Variants in COL6A2 observed in about 807,000 individuals in gnomAD.
COL6A2 encodes collagen alpha-2(VI) chain.
Under a neutral mutation model 124.9 loss-of-function variants are expected in COL6A2, and 90 were observed. The ratio of observed to expected loss-of-function variants is 0.72; its 90% CI spans 0.61 to 0.86. The LOEUF (loss-of-function observed/expected upper bound fraction) is 0.86. Among genes scored for constraint, COL6A2 ranks in the 40% least tolerant of loss-of-function variants. COL6A2 has a pLI of 0.00. For missense variants in COL6A2, 1,607 were observed against 1,502.5 expected, an observed-to-expected ratio of 1.07 and a Z score of -1.15; for synonymous variants, 793 against 618.2, an observed-to-expected ratio of 1.28 and a Z score of -4.19.
Position 46,126,194 on chromosome 21 carries a change from C to G in COL6A2, c.2379C>G (p.Val793=), listed in dbSNP as rs1192187806. The change falls in exon 26 of 28, where the codon GTC becomes GTG. Residue 793 remains valine, a synonymous_variant. Coordinates refer to ENST00000300527, the MANE Select transcript of COL6A2 (RefSeq NM_001849.4). The part of the protein sequence containing the change: ...VRNMTLFSDL[V]AEKFIDDMED... Reference sequence around the variant, plus strand: ...ACATGACGCTGTTCTCCGACCTGGTCGCTGAGAAGTTCATCGATGACATGG... The same window carrying G: ...ACATGACGCTGTTCTCCGACCTGGTGGCTGAGAAGTTCATCGATGACATGG... The G allele has an allele frequency of 6.2e-7, 1 of 1,604,008 alleles. No homozygotes were observed. Among genetic ancestry groups the G allele is most frequent in the Non-Finnish European group, 8.5e-7 (1 of 1,179,666 alleles).
chr21:46,117,501 G>A, intron 11 of COL6A2, 48 bp downstream of exon 11: 1 of 1,590,404 alleles, frequency 6.3e-7, no homozygotes, highest in Non-Finnish European at 8.6e-7. Context: ...AGGGGGTGTG[G>A]GTGCCTGACC....
chr21:46,130,698 CAT>C (rs1190026036), intron 27 of COL6A2, among the ~76,000 whole-genome samples: 3 of 152,312 alleles, frequency 2.0e-5, no homozygotes, highest in East Asian at 1.9e-4. Context: ...TGTCTGTCTC[CAT>C]ATGTTTGGTG....
At chr21:46,112,664 G>A in intron 3 of COL6A2, 87 bp downstream of exon 3, 2 of 1,594,632 alleles carry the variant, frequency 1.3e-6, no homozygotes, top group Non-Finnish European at 1.7e-6. Context: ...TTACCCCTCT[G>A]TGAGTGCGGA....
intron 27 of COL6A2, chr21:46,129,838 A>AC: frequency 9.3e-7 from 1 of 1,079,476 alleles, no homozygotes; most frequent in Admixed American, 4.8e-5. Context: ...GCATCAGGTC[A>AC]CCCTCACAGG....
intron 21 of COL6A2, among the ~76,000 whole-genome samples, chr21:46,124,372 T>A (rs1601245451): frequency 6.6e-6 from 1 of 152,062 alleles, no homozygotes; most frequent in Admixed American, 6.5e-5. Flanking sequence ...ACCCATGGAT[T>A]GGAATGAGCT....
In COL6A2 at chr21:46,112,823, A is replaced by G. The variant is rs779844371; in HGVS notation, c.734A>G (p.Glu245Gly). 2 of 1,613,570 alleles carry G rather than the reference A, an allele frequency of 1.2e-6. No individual in the cohort carries two copies. The highest frequency in any genetic ancestry group is 3.3e-5 in the Admixed American group (2 of 60,026). The change falls in exon 4 of 28, where the codon GAG becomes GGG. Residue 245 changes from glutamate (E) to glycine (G), a missense_variant and splice_region_variant. Physicochemically the swap from Glu to Gly is moderately conservative, Grantham distance 98. Around this residue, in one of 3 missense-constraint regions of COL6A2, gnomAD observed 342 missense variants for 381.5 expected, o/e 0.90. Coordinates refer to ENST00000300527, the MANE Select transcript of COL6A2 (RefSeq NM_001849.4). ...IKVMKHEAYG[E>G]CYKVSCLEIP... is the part of the protein sequence containing the mutation. ...CTGCAGAAACACGAAGCCTACGGAG[A>G]GGTGAGTGGCGCTTCCCTTCCTGCC...
In COL6A2 at chr21:46,132,386, G is replaced by A. The variant is rs201854898; in HGVS notation, c.2894G>A (p.Arg965His). 4.0e-5 allele frequency: 64 copies of A among 1,609,518 alleles called. No individual in the cohort carries two copies. The highest frequency in any genetic ancestry group is 1.2e-4 in the South Asian group (11 of 91,078). ...DSLHESAHSM[R>H]KQNVVPTVLA... is the part of the protein sequence containing the mutation. Reference sequence around the variant, plus strand: ...CTGCACGAGTCGGCGCACTCCATGCGCAAGCAGAACGTGGTACCCACCGTG... The same window carrying A: ...CTGCACGAGTCGGCGCACTCCATGCACAAGCAGAACGTGGTACCCACCGTG... Residue 965 changes from arginine to histidine, a missense_variant, in exon 28 of 28, where the codon CGC becomes CAC. Transcript: ENST00000300527.
chr21:46,107,120 C>T (rs928266756), intron 1 of COL6A2, among the ~76,000 whole-genome samples: 5 of 151,442 alleles, frequency 3.3e-5, no homozygotes, highest in African/African-American at 4.9e-5. Context: ...CAGTTGATTC[C>T]TTGGGTTTAT....
Position 46,126,222 on chromosome 21 carries a change from G to GA in COL6A2, c.2408dup (p.Asp803GlufsTer44). On this transcript the variant is annotated frameshift_variant, in exon 26 of 28. Coordinates refer to ENST00000300527, the MANE Select transcript of COL6A2 (RefSeq NM_001849.4). LOFTEE classifies it high-confidence loss of function. ...TGAGAAGTTCATCGATGACATGGAGGACGTCCTCTGCCCGGGTGAGCGTGT... is the reference window on the plus strand; with the variant it reads ...TGAGAAGTTCATCGATGACATGGAGGAACGTCCTCTGCCCGGGTGAGCGTGT... The GA allele has an allele frequency of 6.3e-7, 1 of 1,599,702 alleles. No homozygotes were observed. Among genetic ancestry groups the GA allele is most frequent in the Non-Finnish European group, 8.5e-7 (1 of 1,179,136 alleles).
At position 46,112,565 on chromosome 21, in the gene COL6A2, C is replaced by A; in HGVS notation, c.702C>A (p.Ile234=). 1 of 1,612,206 alleles carries A rather than the reference C, an allele frequency of 6.2e-7. No individual in the cohort carries two copies. ...TCGACCAGGACACCATCAACCGCAT[C>A]ATCAAGGTCATGGTGAGCCGCGGGC... ...TEIDQDTINR[I]IKVMKHEAYG... Residue 234 remains isoleucine, a synonymous_variant, in exon 3 of 28, where the codon ATC becomes ATA. Transcript: ENST00000300527.
intron 26 of COL6A2, 88 bp downstream of exon 26, chr21:46,126,325 A>T (rs2123665645): frequency 1.3e-6 from 2 of 1,540,874 alleles, no homozygotes; most frequent in South Asian, 2.2e-5. Context: ...CCCTCACCTG[A>T]GGGATGAATG....
intron 10 of COL6A2, 23 bp from the exon 11 acceptor site, chr21:46,117,377 C>A (rs533503149): frequency 4.0e-5 from 64 of 1,611,504 alleles, no homozygotes; most frequent in South Asian, 6.6e-5. Context: ...CCCTGAGACT[C>A]CTCCTGCCCC....
In COL6A2 at chr21:46,116,434, C is replaced by G; in HGVS notation, c.927+31C>G. The G allele has an allele frequency of 1.9e-6, 3 of 1,612,536 alleles. No individual in the cohort carries two copies. The highest frequency in any genetic ancestry group is 1.7e-6 in the Non-Finnish European group (2 of 1,179,900). ...GCTCTTGCCCTGACAGACCTCAGACCTGCGCCAGCCTCGGCCCAGACCCAC... is the reference window on the plus strand; with the variant it reads ...GCTCTTGCCCTGACAGACCTCAGACGTGCGCCAGCCTCGGCCCAGACCCAC... On this transcript the variant is annotated intron_variant, in intron 8 of 27. Transcript: ENST00000300527. The surrounding 1 kb of genome is among the most constrained non-coding windows in gnomAD (Gnocchi z 4.6).
chr21:46,132,351 C>T lies in COL6A2; in HGVS notation c.2859C>T (p.Gly953=). Residue 953 remains glycine, a synonymous_variant, in exon 28 of 28, where the codon GGC becomes GGT. Transcript: ENST00000300527. ...SFVFLTDGVT[G]NDSLHESAHS... ...TGTTCCTCACGGACGGCGTCACGGG[C>T]AACGACAGTCTGCACGAGTCGGCGC... 1 of 1,608,606 alleles carries T rather than the reference C, an allele frequency of 6.2e-7. No homozygotes were observed. The highest frequency in any genetic ancestry group is 8.5e-7 in the Non-Finnish European group (1 of 1,179,578).
rs2078642969 is a variant in COL6A2 at position 46,125,282 on chromosome 21, C to T, written c.1787C>T (p.Thr596Ile). Residue 596 changes from threonine (T) to isoleucine (I), a missense_variant, in exon 24 of 28, where the codon ACC becomes ATC. This residue lies in a region of COL6A2 where 1,223 missense variants were observed against 1,052.2 expected (regional missense o/e 1.16). Coordinates refer to ENST00000300527, the MANE Select transcript of COL6A2 (RefSeq NM_001849.4). ...DPGLTECDVM[T>I]YVRETCGCCD... ...GCATTGCAGGAGTGTGACGTCATGA[C>T]CTACGTGAGGGAGACCTGCGGGTGC... is the stretch of plus-strand genomic sequence containing the variant. The T allele has an allele frequency of 1.9e-6, 3 of 1,612,068 alleles. No individual in the cohort carries two copies. Among genetic ancestry groups the T allele is most frequent in the African/African-American group, 2.7e-5 (2 of 74,922 alleles).
At chr21:46,101,961 A>G (rs557846492) in intron 1 of COL6A2, among the ~76,000 whole-genome samples, 5 of 129,458 alleles carry the variant, frequency 3.9e-5, no homozygotes, top group Admixed American at 9.1e-5. Flanking sequence ...TGGGATTTTT[A>G]TAGGGATTAC....
At chr21:46,121,186 TG>T in intron 17 of COL6A2, 63 bp downstream of exon 17, 1 of 1,503,950 alleles carries the variant, frequency 6.6e-7, no homozygotes, top group Admixed American at 1.7e-5. Flanking sequence ...CCTATCCATG[TG>T]GGGACAGCCT....
chr21:46,112,376 G>T lies in COL6A2; in HGVS notation c.513G>T (p.Gly171=). 6.2e-7 allele frequency: 1 copy of T among 1,608,300 alleles called. No homozygotes were observed. The highest frequency in any genetic ancestry group is 8.5e-7 in the Non-Finnish European group (1 of 1,178,476). The part of the protein sequence containing the change: ...TDGHVTGSPC[G]GIKLQAERAR... ...GCCACGTCACCGGCAGCCCCTGCGG[G>T]GGCATCAAGCTGCAGGCCGAGCGGG... Residue 171 remains glycine (G), a synonymous_variant, in exon 3 of 28, where the codon GGG becomes GGT. Coordinates refer to ENST00000300527, the MANE Select transcript of COL6A2 (RefSeq NM_001849.4).
At position 46,118,934 on chromosome 21, in the gene COL6A2, G is replaced by T. The variant is rs536637397; in HGVS notation, c.1180-96G>T. 1.7e-5 allele frequency: 18 copies of T among 1,084,732 alleles called. No individual in the cohort carries two copies. In the South Asian group the frequency reaches 2.4e-4, roughly 14 times the overall value. The allele number at this position is 1,084,732 out of a possible 1,614,324, so 67.2% of individuals were successfully genotyped here. A position where few individuals can be genotyped will look rare whatever the true frequency, so the allele number is the denominator to read the frequency against. ...TGTGCCTGGCAAGCAGATTCCGCTG[G>T]AAGATAATAGGGGCTCCACACCACA... On this transcript the variant is annotated intron_variant, in intron 13 of 27. Transcript: ENST00000300527.
Sources: allele counts gnomAD v4.1 joint callset (sites outside exome capture counted in the v4.1 genomes callset), GRCh38; gene constraint gnomAD v4.1.1; regional missense constraint gnomAD v4.1.1; non-coding constraint Gnocchi (gnomAD v3.1); transcripts MANE v1.5; gene names NCBI Gene and HGNC (gene_info 2026-07-23, HGNC 2026-07-21).